Variants in TNRC6B observed in about 807,000 individuals in gnomAD.
TNRC6B encodes the protein trinucleotide repeat containing adaptor 6B.
In TNRC6B, 52 loss-of-function variants were observed where a neutral mutation model predicts 203.6. The ratio of observed to expected loss-of-function variants is 0.26; its 90% CI spans 0.20 to 0.32. The LOEUF is 0.32. Ranked by LOEUF, TNRC6B falls within the 10% of genes least tolerant of loss-of-function variation. The pLI is 1.00. For missense variants in TNRC6B, 1,923 were observed against 2,286.2 expected (o/e 0.84, Z 3.24); for synonymous variants, 838 against 845.7 (o/e 0.99, Z 0.16).
chr22:40,282,488 G>T (rs1029382269), intron 11 of TNRC6B, among the ~76,000 whole-genome samples: 6 of 152,008 alleles, frequency 3.9e-5, no homozygotes, highest in Non-Finnish European at 5.9e-5. Context: ...ATGTTTTGGG[G>T]GTTCTTTTAT....
At chr22:40,278,345 G>A (rs901609142) in intron 9 of TNRC6B, among the ~76,000 whole-genome samples, 1 of 151,822 alleles carries the variant, frequency 6.6e-6, no homozygotes, top group African/African-American at 2.4e-5. Context: ...GGATTACGAG[G>A]TCAAGAGATC....
At chr22:40,252,606 G>A (rs1454591502) in intron 3 of TNRC6B, among the ~76,000 whole-genome samples, 1 of 152,118 alleles carries the variant, frequency 6.6e-6, no homozygotes, top group Non-Finnish European at 1.5e-5. Context: ...ATGTAGTCCG[G>A]GAGTTTGTAG....
chr22:40,141,076 G>A (rs2068640262), intron 3 of TNRC6B, among the ~76,000 whole-genome samples: 1 of 151,208 alleles, frequency 6.6e-6, no homozygotes, highest in African/African-American at 2.4e-5. Flanking sequence ...CCATCAACAA[G>A]ATTTAACATA....
At position 40,273,375 on chromosome 22, in the gene TNRC6B, G is replaced by T. The variant is rs553159039; in HGVS notation, c.2966-50G>T. The T allele has an allele frequency of 9.5e-6, 14 of 1,466,690 alleles. No homozygotes were observed. The South Asian group carries it at 1.9e-4, about 20-fold the overall frequency. 90.9% of individuals were successfully genotyped at this position (1,466,690 alleles called of 1,614,324 possible). A position where few individuals can be genotyped will look rare whatever the true frequency, so the allele number is the denominator to read the frequency against. ...ATCTGCAAGGAATTATTATTCTGATGATTGTTTTATATAGCTGTTGCAAAG... is the reference window on the plus strand; with the variant it reads ...ATCTGCAAGGAATTATTATTCTGATTATTGTTTTATATAGCTGTTGCAAAG... On this transcript the variant is annotated intron_variant, in intron 6 of 22. Transcript: ENST00000454349.
intron 1 of TNRC6B, among the ~76,000 whole-genome samples, chr22:40,183,694 T>G (rs986282856): frequency 6.6e-6 from 1 of 151,702 alleles, no homozygotes; most frequent in African/African-American, 2.4e-5. Flanking sequence ...TATTACTAGG[T>G]TGTTTTTTTT....
intron 4 of TNRC6B, among the ~76,000 whole-genome samples, chr22:40,159,473 A>G (rs1325518941): frequency 6.6e-6 from 1 of 150,890 alleles, no homozygotes; most frequent in East Asian, 2.0e-4. Context: ...CCCCGCCTCT[A>G]GTAAAAATAC....
intron 3 of TNRC6B, among the ~76,000 whole-genome samples, chr22:40,153,290 A>G (rs1316682424): frequency 1.3e-5 from 2 of 152,174 alleles, no homozygotes; most frequent in Admixed American, 1.3e-4. Flanking sequence ...TCTGGGAAAC[A>G]GATGCTCCAG....
chr22:40,148,369 C>T (rs777972308), intron 3 of TNRC6B, among the ~76,000 whole-genome samples: 3 of 151,476 alleles, frequency 2.0e-5, no homozygotes, highest in Admixed American at 6.6e-5. Context: ...CTGCAACCTC[C>T]GCCTCCCGGG....
At chr22:40,273,736 C>A in intron 7 of TNRC6B, 136 bp downstream of exon 7, 1 of 937,786 alleles carries the variant, frequency 1.1e-6, no homozygotes, top group Non-Finnish European at 1.5e-6. Flanking sequence ...ACAGTCACGA[C>A]TCGCTGAGCA....
chr22:40,270,050 A>G (rs2070537510), intron 5 of TNRC6B, 72 bp from the exon 6 acceptor site: 28 of 1,483,492 alleles, frequency 1.9e-5, no homozygotes, highest in Non-Finnish European at 2.4e-5. Flanking sequence ...TGTTCCTTCC[A>G]CCTTCACCCC....
In TNRC6B at chr22:40,164,676, C is replaced by T. The variant is rs147888919; in HGVS notation, c.113+8494C>T. 7.0e-3 allele frequency among the ~76,000 whole-genome samples: 1,022 copies of T among 147,012 alleles called. 3 individuals carry two copies. Among genetic ancestry groups the T allele is most frequent in the Non-Finnish European group, 0.011 (723 of 67,236 alleles). On this transcript the variant is annotated intron_variant, in intron 4 of 23. Coordinates refer to the TNRC6B transcript ENST00000301923. ...TACTAGGAGGCTGAGGCAGGAGAAT[C>T]GCTTGAACCTGGGAGGCAGAGGTTG...
chr22:40,057,660 T>C (rs1162657180), intron 1 of TNRC6B, among the ~76,000 whole-genome samples: 1 of 152,158 alleles, frequency 6.6e-6, no homozygotes, highest in Non-Finnish European at 1.5e-5. Flanking sequence ...CCTCAAAAAC[T>C]GGAAGTGGAC....
chr22:40,054,711 TAAGA>T (rs752939000), intron 1 of TNRC6B, among the ~76,000 whole-genome samples: 21 of 152,186 alleles, frequency 1.4e-4, no homozygotes, highest in Admixed American at 2.6e-4. Flanking sequence ...CAAATGAAGT[TAAGA>T]AAGAGAATTT....
chr22:40,226,057 A>G (rs2146442932), intron 1 of TNRC6B, among the ~76,000 whole-genome samples: 1 of 152,356 alleles, frequency 6.6e-6, no homozygotes, highest in East Asian at 1.9e-4. Context: ...TAGTTGAAGA[A>G]TTGGGTCATG....
At chr22:40,059,860 G>A (rs138924987) in intron 1 of TNRC6B, among the ~76,000 whole-genome samples, 1 of 129,834 alleles carries the variant, frequency 7.7e-6, no homozygotes, top group East Asian at 2.3e-4. Flanking sequence ...GTCTCGCTCT[G>A]TTGCCAGGCT....
chr22:40,296,148 C>G (rs943451288), intron 12 of TNRC6B, among the ~76,000 whole-genome samples: 4 of 152,044 alleles, frequency 2.6e-5, no homozygotes, highest in Non-Finnish European at 5.9e-5. Context: ...CCAGCCTTAA[C>G]CCAGAGTCAC....
intron 1 of TNRC6B, among the ~76,000 whole-genome samples, chr22:40,223,622 A>G (rs1569027586): frequency 6.6e-6 from 1 of 152,238 alleles, no homozygotes; most frequent in African/African-American, 2.4e-5. Context: ...ATAATTGCAT[A>G]GTATTCTCTT....
intron 4 of TNRC6B, 78 bp downstream of exon 4, chr22:40,262,251 C>T: frequency 8.0e-7 from 1 of 1,255,114 alleles, no homozygotes; most frequent in Non-Finnish European, 1.0e-6. Context: ...GATGTAAAGT[C>T]CAGGAAAGCC....
At chr22:40,125,725 T>G in intron 2 of TNRC6B, 1 of 1,467,486 alleles carries the variant, frequency 6.8e-7, no homozygotes, top group Non-Finnish European at 9.1e-7. Flanking sequence ...AAAAAAATTT[T>G]TTTGCCCTGA....
Sources: gnomAD v4.1 joint callset for allele counts (sites outside exome capture counted in the v4.1 genomes callset) on GRCh38, gnomAD v4.1.1 for gene constraint, MANE v1.5 for transcripts, NCBI Gene and HGNC (gene_info 2026-07-23, HGNC 2026-07-21) for gene names.